The following KLF11 variants were observed in gnomAD, a reference collection of about 807,000 sequenced individuals.
The protein encoded by KLF11 is KLF transcription factor 11.
Under a neutral mutation model 29.9 loss-of-function variants are expected in KLF11, and 26 were observed. The ratio of observed to expected loss-of-function variants is 0.87; its 90% confidence interval spans 0.64 to 1.21. KLF11 has a LOEUF of 1.21. Ranked by LOEUF, KLF11 falls within the 50% of genes most tolerant of loss-of-function variation. The pLI is 0.00. For missense variants in KLF11, 778 were observed against 665.7 expected (o/e 1.17, Z -1.86); for synonymous variants, 318 against 257.4 (o/e 1.24, Z -2.25).
rs1191162489 is a variant in KLF11, at chr2:10,043,568, G to A, written c.-149G>A. ...CTCCCGCGCCGCGAGGGCCGCGCCGGGGCAGAGCCGCGCGGGCGGGCGAGG... is the reference window on the plus strand; with the variant it reads ...CTCCCGCGCCGCGAGGGCCGCGCCGAGGCAGAGCCGCGCGGGCGGGCGAGG... On this transcript the variant is annotated 5_prime_UTR_variant, in exon 1 of 4. Coordinates refer to ENST00000305883, the MANE Select transcript of KLF11 (RefSeq NM_003597.5). 9 of 373,626 alleles carry A rather than the reference G, an allele frequency of 2.4e-5. No homozygotes were observed. Among genetic ancestry groups the A allele is most frequent in the African/African-American group, 1.3e-4 (6 of 44,872 alleles). The allele number at this position is 373,626 out of a possible 1,614,324, so 23.1% of individuals were successfully genotyped here.
chr2:10,044,247 G>T, intron 1 of KLF11: 2 of 979,434 alleles, frequency 2.0e-6, no homozygotes, highest in Non-Finnish European at 2.4e-6. Flanking sequence ...AAGGTCTAGG[G>T]GCCGGGGCAA....
In KLF11 at chr2:10,053,840, A is replaced by G. The variant is rs1362528621; in HGVS notation, c.*1333A>G. On this transcript the variant is annotated 3_prime_UTR_variant, in exon 4 of 4. Transcript: ENST00000305883. Reference sequence around the variant, plus strand: ...TTGTTAAACATTGGAAGTTCAGGCAATGGAATAAATGTAGGAACATACAGA... The same window carrying G: ...TTGTTAAACATTGGAAGTTCAGGCAGTGGAATAAATGTAGGAACATACAGA... 4 of 158,600 alleles carry G rather than the reference A, an allele frequency of 2.5e-5. No homozygotes were observed. The highest frequency in any genetic ancestry group is 9.6e-5 in the African/African-American group (4 of 41,722). 9.8% of individuals were successfully genotyped at this position (158,600 alleles called of 1,614,324 possible). A position where few individuals can be genotyped will look rare whatever the true frequency, so the allele number is the denominator to read the frequency against.
intron 3 of KLF11, among the ~76,000 whole-genome samples, chr2:10,050,407 C>CAAA (rs34801840): frequency 5.2e-5 from 6 of 115,898 alleles, no homozygotes; most frequent in Non-Finnish European, 8.9e-5. Context: ...ACTCTTATCT[C>CAAA]AAAAAAAAAA....
At chr2:10,046,099 G>T (rs751757470) in intron 1 of KLF11, 51 bp from the exon 2 acceptor site, 2 of 1,610,882 alleles carry the variant, frequency 1.2e-6, no homozygotes, top group African/African-American at 1.3e-5. Flanking sequence ...ATCATGGGTG[G>T]CCTCTGTATT....
At chr2:10,047,524 G>T in intron 2 of KLF11, 126 bp from the exon 3 acceptor site, 1 of 843,170 alleles carries the variant, frequency 1.2e-6, no homozygotes, top group South Asian at 1.5e-5. Flanking sequence ...AAACCCACTG[G>T]GATGTTGAAA....
intron 2 of KLF11, among the ~76,000 whole-genome samples, chr2:10,046,935 C>T (rs1402681253): frequency 6.6e-6 from 1 of 152,174 alleles, no homozygotes; most frequent in Admixed American, 6.5e-5. Flanking sequence ...TGGATCATAC[C>T]TTGCTAGCTA....
At chr2:10,051,436 A>G (rs752416954) in intron 3 of KLF11, among the ~76,000 whole-genome samples, 2 of 148,206 alleles carry the variant, frequency 1.3e-5, no homozygotes, top group Non-Finnish European at 3.0e-5. Flanking sequence ...CGAACTTCTG[A>G]CCTCAGGTGG....
Position 10,053,165 on chromosome 2 carries a change from A to C in KLF11, c.*658A>C, listed in dbSNP as rs1454845691. On this transcript the variant is annotated 3_prime_UTR_variant, in exon 4 of 4. Coordinates refer to ENST00000305883, the MANE Select transcript of KLF11 (RefSeq NM_003597.5). ...ATTCTAGGCAATCATTCCTGTCACCAAAGAACTAAAATTTTGGTTGACTGG... is the reference window on the plus strand; with the variant it reads ...ATTCTAGGCAATCATTCCTGTCACCCAAGAACTAAAATTTTGGTTGACTGG... 1 of 397,570 alleles carries C rather than the reference A, an allele frequency of 2.5e-6. No homozygotes were observed. Among genetic ancestry groups the C allele is most frequent in the East Asian group, 3.6e-5 (1 of 28,114 alleles). The allele number at this position is 397,570 out of a possible 1,614,324, so 24.6% of individuals were successfully genotyped here.
At chr2:10,046,502 AT>A in intron 2 of KLF11, 83 bp downstream of exon 2, 2 of 1,458,378 alleles carry the variant, frequency 1.4e-6, no homozygotes, top group South Asian at 2.3e-5. Context: ...TTGTGAGAAG[AT>A]TCCCTGGGAT....
In KLF11 at chr2:10,046,315, A is replaced by C; in HGVS notation, c.208A>C (p.Arg70=). The C allele has an allele frequency of 5.0e-6, 8 of 1,614,212 alleles. No individual in the cohort carries two copies. The highest frequency in any genetic ancestry group is 6.8e-6 in the Non-Finnish European group (8 of 1,180,032). The change falls in exon 2 of 4, where the codon AGA becomes CGA. Residue 70 remains arginine, a synonymous_variant. Coordinates refer to ENST00000305883, the MANE Select transcript of KLF11 (RefSeq NM_003597.5). ...CCAGAAAGGTGACCTGTTGCGGATA[A>C]GACCCCTCACGCCTGTCTCTGACTC... ...RSQKGDLLRI[R]PLTPVSDSGD... is the part of the protein sequence containing the mutation.
chr2:10,044,552 G>A (rs1437208419), intron 1 of KLF11: 2 of 553,986 alleles, frequency 3.6e-6, no homozygotes, highest in Non-Finnish European at 4.6e-6. Flanking sequence ...CGTCTTGTTT[G>A]ATCTCGGGGA....
At chr2:10,050,830 A>C (rs1661379734) in intron 3 of KLF11, among the ~76,000 whole-genome samples, 1 of 146,168 alleles carries the variant, frequency 6.8e-6, no homozygotes, top group Non-Finnish European at 1.5e-5. Flanking sequence ...TGCTTTTTAT[A>C]TATATTTCTG....
At position 10,048,145 on chromosome 2, in the gene KLF11, A is replaced by G. The variant is rs1661279314; in HGVS notation, c.808A>G (p.Arg270Gly). Residue 270 changes from arginine to glycine, a missense_variant, in exon 3 of 4, where the codon AGG becomes GGG. Coordinates refer to ENST00000305883, the MANE Select transcript of KLF11 (RefSeq NM_003597.5). ...SPKNYENDLP[R>G]KTTPLISVSV... ...AAAGAATTATGAAAATGACCTGCCC[A>G]GGAAAACCACCCCTCTGATTTCTGT... 6.2e-7 allele frequency: 1 copy of G among 1,614,222 alleles called. No homozygotes were observed. The highest frequency in any genetic ancestry group is 1.3e-5 in the African/African-American group (1 of 75,064).
At position 10,053,826 on chromosome 2, in the gene KLF11, T is replaced by G. The variant is rs2125284266; in HGVS notation, c.*1319T>G. 1 of 162,744 alleles carries G rather than the reference T, an allele frequency of 6.1e-6. No homozygotes were observed. Among genetic ancestry groups the G allele is most frequent in the African/African-American group, 2.4e-5 (1 of 42,044 alleles). The allele number at this position is 162,744 out of a possible 1,614,324, so 10.1% of individuals were successfully genotyped here. A position where few individuals can be genotyped will look rare whatever the true frequency, so the allele number is the denominator to read the frequency against. The stretch of plus-strand genomic sequence containing the variant: ...ACTGATACTGGTTTTTGTTAAACAT[T>G]GGAAGTTCAGGCAATGGAATAAATG... On this transcript the variant is annotated 3_prime_UTR_variant, in exon 4 of 4. Coordinates refer to ENST00000305883, the MANE Select transcript of KLF11 (RefSeq NM_003597.5).
chr2:10,047,700 A>G lies in KLF11; in HGVS notation c.363A>G (p.Thr121=), dbSNP rs1359193611. The G allele has an allele frequency of 1.2e-6, 2 of 1,613,516 alleles. No individual in the cohort carries two copies. The highest frequency in any genetic ancestry group is 1.7e-6 in the Non-Finnish European group (2 of 1,180,016). Residue 121 remains threonine, a synonymous_variant, in exon 3 of 4, where the codon ACA becomes ACG. Coordinates refer to ENST00000305883, the MANE Select transcript of KLF11 (RefSeq NM_003597.5). The part of the protein sequence containing the change: ...SPDLVEPSTR[T]PVSPQVTDSK... ...ATCTCGTGGAGCCATCGACAAGGAC[A>G]CCTGTTTCTCCCCAAGTAACAGATT... is the stretch of plus-strand genomic sequence containing the variant.
In KLF11 at chr2:10,046,262, T is replaced by C. The variant is rs758289233; in HGVS notation, c.155T>C (p.Val52Ala). ...QTDMEAVEAL[V>A]CMSSWGQRSQ... ...GACATGGAAGCTGTCGAGGCTCTTG[T>C]TTGTATGAGCTCCTGGGGTCAAAGA... Residue 52 changes from valine to alanine, a missense_variant, in exon 2 of 4, where the codon GTT becomes GCT. Transcript: ENST00000305883. 3 of 1,614,002 alleles carry C rather than the reference T, an allele frequency of 1.9e-6. No homozygotes were observed. The African/African-American group carries it at 4.0e-5, about 22-fold the overall frequency.
In KLF11 at chr2:10,048,403, G is replaced by A; in HGVS notation, c.1066G>A (p.Ala356Thr). Reference protein sequence around the residue: ...GALPPPAPCAANVMAAGNTKL... With the variant: ...GALPPPAPCATNVMAAGNTKL... The stretch of plus-strand genomic sequence containing the variant: ...CCTCCCTCCGCCTGCCCCCTGTGCA[G>A]CCAATGTCATGGCTGCCGGGAATAC... The change falls in exon 3 of 4, where the codon GCC becomes ACC. Residue 356 changes from alanine (A) to threonine (T), a missense_variant. Physicochemically the swap from Ala to Thr is moderately conservative, Grantham distance 58 (BLOSUM62 0). Transcript: ENST00000305883. 6.2e-7 allele frequency: 1 copy of A among 1,614,036 alleles called. No homozygotes were observed. The highest frequency in any genetic ancestry group is 1.1e-5 in the South Asian group (1 of 91,084).
At position 10,043,678 on chromosome 2, in the gene KLF11, G is replaced by A; in HGVS notation, c.-39G>A. 1 of 1,273,538 alleles carries A rather than the reference G, an allele frequency of 7.9e-7. No homozygotes were observed. Among genetic ancestry groups the A allele is most frequent in the South Asian group, 1.4e-5 (1 of 70,394 alleles). The allele number at this position is 1,273,538 out of a possible 1,614,324, so 78.9% of individuals were successfully genotyped here. On this transcript the variant is annotated 5_prime_UTR_variant, in exon 1 of 4. Transcript: ENST00000305883. The stretch of plus-strand genomic sequence containing the variant: ...CGGCCGCTGCTGCGCCCGAGCTCAC[G>A]CCCCGCGGCCGCTTTGTTGCTCCCG...
chr2:10,054,599 C>T lies in KLF11; in HGVS notation c.*2092C>T, dbSNP rs1410096013. On this transcript the variant is annotated 3_prime_UTR_variant, in exon 4 of 4. Coordinates refer to ENST00000305883, the MANE Select transcript of KLF11 (RefSeq NM_003597.5). ...CTTGTGTATGGATTCGGCATGGAGC[C>T]CTCAGCTGGCGGCTCTGGGTGCTGA... 1 of 152,684 alleles carries T rather than the reference C, an allele frequency of 6.5e-6. No individual in the cohort carries two copies. The highest frequency in any genetic ancestry group is 1.5e-5 in the Non-Finnish European group (1 of 68,048). 9.5% of individuals were successfully genotyped at this position (152,684 alleles called of 1,614,324 possible). A position where few individuals can be genotyped will look rare whatever the true frequency, so the allele number is the denominator to read the frequency against.
Sources: allele counts gnomAD v4.1 joint callset (sites outside exome capture counted in the v4.1 genomes callset), GRCh38; gene constraint gnomAD v4.1.1; transcripts MANE v1.5; gene names NCBI Gene and HGNC (gene_info 2026-07-23, HGNC 2026-07-21).